SGK1: variants seen among roughly 807,000 people sequenced by gnomAD.
SGK1 encodes serine/threonine-protein kinase Sgk1.
In SGK1, 26 loss-of-function variants were observed where a neutral mutation model predicts 64.2. The ratio of observed to expected loss-of-function variants is 0.40; its 90% CI spans 0.30 to 0.56. The LOEUF (loss-of-function observed/expected upper bound fraction) is 0.56, where lower values mean the gene tolerates loss of function less well. Ranked by LOEUF, SGK1 falls within the 20% of genes least tolerant of loss-of-function variation. The probability of loss-of-function intolerance (pLI) is 0.38; values close to 1 mark genes in which losing one functional copy is unlikely to be tolerated. For missense variants in SGK1, 519 were observed against 645.6 expected, an observed-to-expected ratio of 0.80 and a Z score of 2.12; for synonymous variants, 265 against 239.7, an observed-to-expected ratio of 1.11 and a Z score of -0.98.
At chr6:134,235,428 T>C (rs1297947595) in intron 2 of SGK1, among the ~76,000 whole-genome samples, 5 of 152,076 alleles carry the variant, frequency 3.3e-5, no homozygotes, top group Middle Eastern at 3.4e-3. Context: ...AAGATGAAAA[T>C]GTAACTTCAA....
intron 3 of SGK1, among the ~76,000 whole-genome samples, chr6:134,180,526 G>A (rs905851104): frequency 6.6e-6 from 1 of 152,148 alleles, no homozygotes; most frequent in Non-Finnish European, 1.5e-5. Context: ...CTGGACAGAA[G>A]AGTAAATTGG....
At chr6:134,250,587 A>G (rs1776592517) in intron 2 of SGK1, among the ~76,000 whole-genome samples, 1 of 152,242 alleles carries the variant, frequency 6.6e-6, no homozygotes, top group Admixed American at 6.5e-5. Flanking sequence ...TTGTGTAAGT[A>G]GAATGAACCA....
At chr6:134,170,991 C>A (rs760752811) in intron 12 of SGK1, 32 bp downstream of exon 12, 4 of 1,611,126 alleles carry the variant, frequency 2.5e-6, no homozygotes, top group Non-Finnish European at 8.5e-7. Flanking sequence ...CACGTCCCGG[C>A]CGGCCCAGGA....
intron 1 of SGK1, among the ~76,000 whole-genome samples, chr6:134,281,690 A>AT (rs1777096892): frequency 6.6e-6 from 1 of 151,686 alleles, no homozygotes; most frequent in Admixed American, 6.6e-5. Context: ...TAACTTTTAA[A>AT]TTTTTTGTAG....
intron 1 of SGK1, chr6:134,298,403 T>C: frequency 8.9e-7 from 1 of 1,126,090 alleles, no homozygotes; most frequent in Non-Finnish European, 1.4e-6. Flanking sequence ...AACTTGTTGC[T>C]GAGGGTCTTG....
chr6:134,301,541 C>T (rs1411863946), intron 1 of SGK1, among the ~76,000 whole-genome samples: 1 of 49,368 alleles, frequency 2.0e-5, no homozygotes, highest in African/African-American at 1.0e-4. Context: ...TTCTTCTCTT[C>T]TCTTCTCTTC....
At chr6:134,183,553 C>T (rs900507935) in intron 3 of SGK1, among the ~76,000 whole-genome samples, 5 of 152,168 alleles carry the variant, frequency 3.3e-5, no homozygotes, top group East Asian at 3.8e-4. Context: ...TGGAACTGCA[C>T]GTTCCCAAAA....
At chr6:134,250,572 G>C (rs1425293657) in intron 2 of SGK1, among the ~76,000 whole-genome samples, 2 of 152,116 alleles carry the variant, frequency 1.3e-5, no homozygotes, top group Non-Finnish European at 2.9e-5. Context: ...TTTATCCAAG[G>C]CTCTTTGTGT....
intron 1 of SGK1, among the ~76,000 whole-genome samples, chr6:134,267,494 T>G (rs1224577578): frequency 6.6e-6 from 1 of 152,060 alleles, no homozygotes; most frequent in Admixed American, 6.6e-5. Flanking sequence ...TGTCTCATTA[T>G]GTTGCCCAGG....
chr6:134,178,615 C>A (rs2114650629), intron 3 of SGK1, among the ~76,000 whole-genome samples: 1 of 152,178 alleles, frequency 6.6e-6, no homozygotes. Context: ...CGAAGTGGTC[C>A]GAGTAGCCTC....
At chr6:134,230,349 A>C (rs1472588094) in intron 2 of SGK1, 1 of 152,202 alleles carries the variant, frequency 6.6e-6, no homozygotes, top group African/African-American at 2.4e-5. Context: ...TGCTATAAAG[A>C]ACAGCCTGAG....
At chr6:134,227,975 C>CTT (rs1776213182) in intron 2 of SGK1, among the ~76,000 whole-genome samples, 1 of 89,782 alleles carries the variant, frequency 1.1e-5, no homozygotes, top group African/African-American at 4.4e-5. Flanking sequence ...TTTTTGGAGA[C>CTT]GGAGAGTCTT....
At chr6:134,232,318 G>C (rs1228696533) in intron 2 of SGK1, among the ~76,000 whole-genome samples, 1 of 151,634 alleles carries the variant, frequency 6.6e-6, no homozygotes, top group African/African-American at 2.4e-5. Context: ...CTGGGAGGCA[G>C]AGGTTGCAGT....
intron 1 of SGK1, among the ~76,000 whole-genome samples, chr6:134,271,606 GT>G (rs1467589114): frequency 6.8e-6 from 1 of 146,588 alleles, no homozygotes; most frequent in Admixed American, 7.0e-5. Context: ...CTTTTCCAGT[GT>G]TTTTTTTGTT....
At chr6:134,265,949 G>A (rs2114753685) in intron 1 of SGK1, among the ~76,000 whole-genome samples, 1 of 149,452 alleles carries the variant, frequency 6.7e-6, no homozygotes, top group East Asian at 2.0e-4. Context: ...AGCCACAAGT[G>A]TCTTTTAATT....
intron 3 of SGK1, among the ~76,000 whole-genome samples, chr6:134,203,506 A>G (rs372483418): frequency 7.9e-5 from 12 of 152,028 alleles, no homozygotes; most frequent in Non-Finnish European, 1.3e-4. Context: ...CATCACAAGT[A>G]AAAAAAACAG....
intron 2 of SGK1, among the ~76,000 whole-genome samples, chr6:134,232,115 A>G (rs1157096847): frequency 6.7e-6 from 1 of 149,994 alleles, no homozygotes; most frequent in Non-Finnish European, 1.5e-5. Context: ...AGAGCTGGGC[A>G]CGGTGGCTCA....
At chr6:134,183,458 C>G (rs1330402457) in intron 3 of SGK1, among the ~76,000 whole-genome samples, 1 of 152,168 alleles carries the variant, frequency 6.6e-6, no homozygotes, top group East Asian at 1.9e-4. Context: ...TTGACAGGCA[C>G]TGTCTTAAGC....
At chr6:134,255,561 G>A (rs1262287290) in intron 2 of SGK1, among the ~76,000 whole-genome samples, 3 of 148,330 alleles carry the variant, frequency 2.0e-5, no homozygotes, top group African/African-American at 7.4e-5. Flanking sequence ...ACAAACAAAG[G>A]CAAGAGATTT....
Sources: allele counts gnomAD v4.1 joint callset (sites outside exome capture counted in the v4.1 genomes callset), GRCh38; gene constraint gnomAD v4.1.1; transcripts MANE v1.5; gene names NCBI Gene and HGNC (gene_info 2026-07-23, HGNC 2026-07-21).